Variants in SULT1A1 observed in about 807,000 individuals in gnomAD.
SULT1A1 encodes sulfotransferase 1A1.
SULT1A1 carries 35 observed loss-of-function variants against 36.8 expected under a neutral mutation model. That is an observed-to-expected ratio of 0.95 (90% CI 0.73 to 1.26). SULT1A1 has a LOEUF of 1.26. SULT1A1 is among the 50% of genes most tolerant of loss of function. The pLI is 0.00. For synonymous variants in SULT1A1, 119 were observed against 146.0 expected, an observed-to-expected ratio of 0.82 and a Z score of 1.33; for missense variants, 309 against 383.0, an observed-to-expected ratio of 0.81 and a Z score of 1.61.
At chr16:28,621,788 C>T (rs540970107) in intron 1 of SULT1A1, among the ~76,000 whole-genome samples, 21 of 152,186 alleles carry the variant, frequency 1.4e-4, no homozygotes, top group African/African-American at 4.3e-4. Flanking sequence ...TTACCCACCC[C>T]ATCCCCTTCA....
exon 1 of SULT1A1, chr16:28,623,260 T>A (rs1038642201): frequency 4.4e-5 from 68 of 1,544,622 alleles, no homozygotes; most frequent in Non-Finnish European, 5.7e-5. Context: ...TAGTTGAAGT[T>A]GGCGTGGAAG....
chr16:28,611,482 T>C (rs1033395537), upstream of SULT1A1: 3 of 152,200 alleles, frequency 2.0e-5, no homozygotes, highest in African/African-American at 7.2e-5. Flanking sequence ...TGTATTTGGG[T>C]GTAAATTGTG....
Position 28,605,488 on chromosome 16 carries a change from T to C in SULT1A1, c.*333A>G. 2 of 436,020 alleles carry C rather than the reference T, an allele frequency of 4.6e-6. No homozygotes were observed. Among genetic ancestry groups the C allele is most frequent in the South Asian group, 2.2e-5 (1 of 44,642 alleles). The allele number at this position is 436,020 out of a possible 1,614,324, so 27.0% of individuals were successfully genotyped here. A position where few individuals can be genotyped will look rare whatever the true frequency, so the allele number is the denominator to read the frequency against. ...TGTCTTGTAATGTTGAACAGGCTGG[T>C]CCCAAACTCCTGTCCTCCAGTGATC... On this transcript the variant is annotated 3_prime_UTR_variant, in exon 8 of 8. Transcript: ENST00000314752.
intron 2 of SULT1A1, chr16:28,620,015 A>G (rs188551069): frequency 1.9e-5 from 27 of 1,456,336 alleles, no homozygotes; most frequent in Non-Finnish European, 2.3e-5. Context: ...GTGTGTGTAT[A>G]TACACACACA....
Position 28,608,693 on chromosome 16 carries a change from G to A in SULT1A1, c.148+15C>T. On this transcript the variant is annotated intron_variant, in intron 2 of 7. Coordinates refer to ENST00000314752, the MANE Select transcript of SULT1A1 (RefSeq NM_001055.4). ...ACTGCCACCTGGGAGAGGGTGGGTG[G>A]CCCTCCTCACTTACCGGACTTGGGG... 1 of 1,612,310 alleles carries A rather than the reference G, an allele frequency of 6.2e-7. No individual in the cohort carries two copies. Among genetic ancestry groups the A allele is most frequent in the African/African-American group, 1.3e-5 (1 of 74,978 alleles).
intron 6 of SULT1A1, 120 bp from the exon 7 acceptor site, chr16:28,606,356 C>T (rs2047186073): frequency 5.2e-6 from 8 of 1,532,062 alleles, no homozygotes; most frequent in Non-Finnish European, 7.1e-6. Flanking sequence ...CCTGCAGAGC[C>T]AACTCCTCAA....
intron 4 of SULT1A1, chr16:28,607,703 C>T (rs1173231412): frequency 1.4e-5 from 2 of 148,016 alleles, no homozygotes; most frequent in South Asian, 2.2e-4. Context: ...TTTTTTCTGT[C>T]GCCCAAGTTG....
chr16:28,616,194 C>G (rs1390719804), intron 2 of SULT1A1, among the ~76,000 whole-genome samples: 1 of 152,064 alleles, frequency 6.6e-6, no homozygotes, highest in African/African-American at 2.4e-5. Context: ...TTTTCCTAGG[C>G]TATGATTATT....
intron 1 of SULT1A1, 163 bp from the exon 2 acceptor site, chr16:28,609,022 C>G: frequency 6.6e-7 from 1 of 1,525,936 alleles, no homozygotes; most frequent in East Asian, 2.3e-5. Flanking sequence ...AAAACCAGGT[C>G]GGGCTCTAAT....
At chr16:28,618,770 A>G (rs2047595837) in intron 2 of SULT1A1, among the ~76,000 whole-genome samples, 1 of 152,164 alleles carries the variant, frequency 6.6e-6, no homozygotes, top group Admixed American at 6.6e-5. Flanking sequence ...TTGTGATGTT[A>G]AAGTTCTTTT....
rs1372402051 is a variant in SULT1A1, at chr16:28,623,177, G to T, written c.21C>A (p.Cys7Ter). The T allele has an allele frequency of 2.6e-6, 4 of 1,548,182 alleles. No homozygotes were observed. The highest frequency in any genetic ancestry group is 1.2e-5 in the South Asian group (1 of 84,162). Residue 7 changes from cysteine to a stop codon, truncating the protein, a stop_gained, in exon 1 of 6, where the codon TGC (cysteine) becomes TGA (stop). Transcript: ENST00000350842. LOFTEE classifies it high-confidence loss of function. ...CGATGGGCGCACCGACCACCTGGTCGCACAGCAACTTGGCCAGCATGGCGC... is the reference window on the plus strand; with the variant it reads ...CGATGGGCGCACCGACCACCTGGTCTCACAGCAACTTGGCCAGCATGGCGC...
chr16:28,609,799 A>C, intron 1 of SULT1A1, 132 bp downstream of exon 1: 2 of 999,624 alleles, frequency 2.0e-6, no homozygotes, highest in Non-Finnish European at 2.6e-6. Flanking sequence ...GGATTCACGC[A>C]GGCCAGGGTT....
At chr16:28,606,457 C>T (rs183324105) in intron 6 of SULT1A1, among the ~76,000 whole-genome samples, 8 of 151,830 alleles carry the variant, frequency 5.3e-5, no homozygotes, top group East Asian at 3.9e-4. Flanking sequence ...GGGTGAGGAC[C>T]GTGATGGTCT....
chr16:28,608,599 A>G lies in SULT1A1; in HGVS notation c.153T>C (p.Thr51=), dbSNP rs1126446. 0.37 allele frequency: 592,678 copies of G among 1,595,240 alleles called. 111,346 individuals are homozygous for G. Among genetic ancestry groups the G allele is most frequent in the Admixed American group, 0.46 (27,229 of 59,086 alleles). The change falls in exon 3 of 8, where the codon ACT becomes ACC. Residue 51 remains threonine (T), a synonymous_variant. Coordinates refer to ENST00000314752, the MANE Select transcript of SULT1A1 (RefSeq NM_001055.4). ...TGTCCAGAATCTGGCTTACCCAGGT[A>G]GTGCCTGGAGAGGGAGGGAGATGGG... ...LLISTYPKSG[T]TWVSQILDMI...
chr16:28,610,251 G>GTTT (rs375498320), upstream of SULT1A1: 23 of 585,242 alleles, frequency 3.9e-5, no homozygotes, highest in East Asian at 1.1e-4. Flanking sequence ...GTTTTTGTAG[G>GTTT]TTTTTTTTTT....
chr16:28,622,356 G>A (rs906440285), intron 1 of SULT1A1, among the ~76,000 whole-genome samples: 1 of 152,114 alleles, frequency 6.6e-6, no homozygotes, highest in Non-Finnish European at 1.5e-5. Context: ...TGTTCTTATT[G>A]TACGCAGTAG....
At chr16:28,607,146 G>C in intron 4 of SULT1A1, 69 bp from the exon 5 acceptor site, 2 of 1,597,574 alleles carry the variant, frequency 1.3e-6, no homozygotes, top group Non-Finnish European at 1.7e-6. Flanking sequence ...CTCATCTCTT[G>C]GATTGGCAAA....
In SULT1A1 at chr16:28,605,670, G is replaced by T; in HGVS notation, c.*151C>A. ...TTGCCCAGGTTGGTCTCGAACTCCT[G>T]GGCTCAAATGATCCTCCCACCTCAG... On this transcript the variant is annotated 3_prime_UTR_variant, in exon 8 of 8. Transcript: ENST00000314752. 7.3e-7 allele frequency: 1 copy of T among 1,364,382 alleles called. No individual in the cohort carries two copies. The allele number at this position is 1,364,382 out of a possible 1,614,324, so 84.5% of individuals were successfully genotyped here. A position where few individuals can be genotyped will look rare whatever the true frequency, so the allele number is the denominator to read the frequency against.
Position 28,608,592 on chromosome 16 carries a change from C to T in SULT1A1, c.160G>A (p.Val54Ile), listed in dbSNP as rs1396071126. 5 of 1,612,160 alleles carry T rather than the reference C, an allele frequency of 3.1e-6. 1 individual carries two copies. The highest frequency in any genetic ancestry group is 4.2e-6 in the Non-Finnish European group (5 of 1,178,436). ...STYPKSGTTW[V>I]SQILDMIYQG... Reference sequence around the variant, plus strand: ...TAGATCATGTCCAGAATCTGGCTTACCCAGGTAGTGCCTGGAGAGGGAGGG... The same window carrying T: ...TAGATCATGTCCAGAATCTGGCTTATCCAGGTAGTGCCTGGAGAGGGAGGG... The change falls in exon 3 of 8, where the codon GTA becomes ATA. Residue 54 changes from valine to isoleucine, a missense_variant. This residue lies in a region of SULT1A1 where 219 missense variants were observed against 215.3 expected (regional missense o/e 1.02). Coordinates refer to ENST00000314752, the MANE Select transcript of SULT1A1 (RefSeq NM_001055.4).
Sources: allele counts gnomAD v4.1 joint callset (sites outside exome capture counted in the v4.1 genomes callset), GRCh38; gene constraint gnomAD v4.1.1; regional missense constraint gnomAD v4.1.1; transcripts MANE v1.5; gene names NCBI Gene and HGNC (gene_info 2026-07-23, HGNC 2026-07-21).